The following CDH23 variants were observed in gnomAD, a reference collection of about 807,000 sequenced individuals.
The protein encoded by CDH23 is cadherin related 23, also known as cadherin-23.
A neutral mutation model predicts 317.1 loss-of-function variants in CDH23; 189 were observed. The observed-to-expected ratio is 0.60, with a 90% CI of 0.53 to 0.67. The LOEUF (loss-of-function observed/expected upper bound fraction) is 0.67, where lower values mean the gene tolerates loss of function less well. Ranked by LOEUF, CDH23 falls within the 30% of genes least tolerant of loss-of-function variation. The pLI is 0.00. For missense variants in CDH23, 4,401 were observed against 4,592.4 expected (o/e 0.96, Z 1.20); for synonymous variants, 1,839 against 1,876.8 (o/e 0.98, Z 0.52).
intron 6 of CDH23, among the ~76,000 whole-genome samples, chr10:71,544,464 G>A (rs1288572250): frequency 1.3e-5 from 2 of 152,188 alleles, no homozygotes; most frequent in African/African-American, 4.8e-5. Flanking sequence ...GCTGGGGGCT[G>A]GACAGTGGCA....
intron 32 of CDH23, chr10:71,732,783 CTGGTCATCGAAGTGTGTG>C: frequency 2.1e-6 from 2 of 934,430 alleles, no homozygotes; most frequent in Non-Finnish European, 2.6e-6. Context: ...TCCTTCACCT[CTGGTCATCGAAGTGTGTG>C]TGGGGTTTTC....
In CDH23 at chr10:71,570,827, A is replaced by C. The variant is rs766721575; in HGVS notation, c.662A>C (p.Asn221Thr). The C allele has an allele frequency of 1.2e-5, 20 of 1,613,864 alleles. No homozygotes were observed. The highest frequency in any genetic ancestry group is 1.6e-5 in the Non-Finnish European group (19 of 1,179,876). Residue 221 changes from asparagine to threonine, a missense_variant, in exon 8 of 70, where the codon AAC becomes ACC. Physicochemically the swap from Asn to Thr is moderately conservative, Grantham distance 65. Transcript: ENST00000224721. ...DKTRPLSTLANLAIIITDVQD... is the reference protein window; with the variant it reads ...DKTRPLSTLATLAIIITDVQD... ...ACCAGGCCTCTGTCCACCCTGGCCAACTTGGCCATCATCATCACAGATGTC... is the reference window on the plus strand; with the variant it reads ...ACCAGGCCTCTGTCCACCCTGGCCACCTTGGCCATCATCATCACAGATGTC...
chr10:71,715,775 A>G, intron 28 of CDH23: 1 of 585,058 alleles, frequency 1.7e-6, no homozygotes, highest in Non-Finnish European at 2.8e-6. Context: ...CATCTTTGGG[A>G]AAGGGCGCTG....
In CDH23 at chr10:71,588,229, G is replaced by A. The variant is rs1019948011; in HGVS notation, c.832+10237G>A. On this transcript the variant is annotated intron_variant, in intron 9 of 69. Transcript: ENST00000224721. ...GACATCTGCACCTACGTTTCTATCA[G>A]CGTGTCCGTGTCATCAGTATTTATT... Among the ~76,000 whole-genome samples the A allele has an allele frequency of 2.0e-5, 3 of 152,260 alleles. No individual in the cohort carries two copies. The South Asian group carries it at 6.2e-4, about 32-fold the overall frequency.
At chr10:71,679,006 C>T (rs1320643874) in intron 16 of CDH23, among the ~76,000 whole-genome samples, 1 of 152,046 alleles carries the variant, frequency 6.6e-6, no homozygotes, top group Admixed American at 6.5e-5. Context: ...CTAACCGGCT[C>T]CGGGAGTCAG....
At chr10:71,731,853 A>G (rs905159080) in intron 31 of CDH23, 134 bp from the exon 32 acceptor site, 20 of 846,624 alleles carry the variant, frequency 2.4e-5, no homozygotes, top group African/African-American at 5.1e-5. Context: ...TCTGAGGATG[A>G]TCCTGCCGGC....
At chr10:71,532,727 G>GTTTTTTTTTTTTTTTTTTTTTT (rs200038577) in intron 6 of CDH23, among the ~76,000 whole-genome samples, 77 of 93,874 alleles carry the variant, frequency 8.2e-4, no homozygotes, top group Non-Finnish European at 1.3e-3. Flanking sequence ...TTTTTTTTTT[G>GTTTTTTTTTTTTTTTTTTTTTT]TTTTTTTTTT....
chr10:71,723,750 G>A (rs894626318), intron 28 of CDH23, among the ~76,000 whole-genome samples: 9 of 152,176 alleles, frequency 5.9e-5, no homozygotes, highest in Admixed American at 6.5e-5. Context: ...TGGACCCAGC[G>A]AGCTGCAGTG....
intron 3 of CDH23, among the ~76,000 whole-genome samples, chr10:71,495,964 G>T (rs549410602): frequency 6.6e-6 from 1 of 152,318 alleles, no homozygotes; most frequent in East Asian, 1.9e-4. Context: ...GAGCTTGTTA[G>T]AAATGCATAT....
chr10:71,691,561 T>A (rs1865184472), intron 20 of CDH23, among the ~76,000 whole-genome samples: 1 of 152,136 alleles, frequency 6.6e-6, no homozygotes, highest in South Asian at 2.1e-4. Flanking sequence ...AGTCAACCCA[T>A]GTAGATGTTG....
At chr10:71,749,056 A>G (rs1839926404) in intron 38 of CDH23, 1 of 152,388 alleles carries the variant, frequency 6.6e-6, no homozygotes, top group Admixed American at 6.5e-5. Flanking sequence ...CCCTCTCCAC[A>G]CAGCAGCAGC....
intron 38 of CDH23, among the ~76,000 whole-genome samples, chr10:71,767,125 G>T (rs1290988094): frequency 6.6e-6 from 1 of 152,202 alleles, no homozygotes; most frequent in African/African-American, 2.4e-5. Flanking sequence ...ACCCTCAGAT[G>T]TTTCTGTCCC....
Position 71,474,431 on chromosome 10 carries a change from C to A in CDH23, c.145+28036C>A, listed in dbSNP as rs964811960. On this transcript the variant is annotated intron_variant, in intron 3 of 69. Transcript: ENST00000224721. Reference sequence around the variant, plus strand: ...CAGAGACCACCTTAGCCCACAGAGACCTTTCCCCACTTAGTAGAGCTCTCA... The same window carrying A: ...CAGAGACCACCTTAGCCCACAGAGAACTTTCCCCACTTAGTAGAGCTCTCA... Among the ~76,000 whole-genome samples the A allele has an allele frequency of 2.0e-5, 3 of 152,202 alleles. No individual in the cohort carries two copies. In the East Asian group the frequency reaches 5.8e-4, roughly 29 times the overall value.
At chr10:71,407,011 C>T (rs1382262594) in intron 1 of CDH23, among the ~76,000 whole-genome samples, 1 of 152,206 alleles carries the variant, frequency 6.6e-6, no homozygotes, top group Admixed American at 6.5e-5. Context: ...AACAACCCTA[C>T]GAATTAGGGT....
chr10:71,563,901 A>G (rs1450512335), intron 6 of CDH23, among the ~76,000 whole-genome samples: 1 of 151,908 alleles, frequency 6.6e-6, no homozygotes, highest in Non-Finnish European at 1.5e-5. Flanking sequence ...GGCACGCACC[A>G]CCACGCCCAG....
intron 2 of CDH23, among the ~76,000 whole-genome samples, chr10:71,443,247 C>G (rs1403521419): frequency 6.6e-6 from 1 of 152,200 alleles, no homozygotes; most frequent in African/African-American, 2.4e-5. Context: ...TCTTCATGCC[C>G]TCAGAGGAAC....
Position 71,792,145 on chromosome 10 carries a change from T to C in CDH23, c.6253+810T>C, listed in dbSNP as rs566576016. ...AAACAGATACTGGTAAATTAAAGAA[T>C]AAAATATGATGTGATAAAGGAAGCA... On this transcript the variant is annotated intron_variant, in intron 47 of 69. Transcript: ENST00000224721. Among the ~76,000 whole-genome samples the C allele has an allele frequency of 1.9e-3, 282 of 152,194 alleles. 1 individual carries two copies. The highest frequency in any genetic ancestry group is 6.2e-3 in the African/African-American group (259 of 41,534).
chr10:71,560,232 C>A (rs1857063489), intron 6 of CDH23, among the ~76,000 whole-genome samples: 1 of 152,218 alleles, frequency 6.6e-6, no homozygotes, highest in African/African-American at 2.4e-5. Flanking sequence ...TTCTCCTCTG[C>A]CCCAGGAGCC....
At chr10:71,422,324 T>A (rs1848855126) in intron 1 of CDH23, among the ~76,000 whole-genome samples, 1 of 152,344 alleles carries the variant, frequency 6.6e-6, no homozygotes, top group East Asian at 1.9e-4. Flanking sequence ...CTACCTGGGT[T>A]CGAATTCTGC....
Sources: allele counts gnomAD v4.1 joint callset (sites outside exome capture counted in the v4.1 genomes callset), GRCh38; gene constraint gnomAD v4.1.1; transcripts MANE v1.5; gene names NCBI Gene and HGNC (gene_info 2026-07-23, HGNC 2026-07-21).